Variants in UBAC2 observed in about 807,000 individuals in gnomAD.
The protein encoded by UBAC2 is UBA domain containing 2, also known as ubiquitin-associated domain-containing protein 2.
Under a neutral mutation model 44.0 loss-of-function variants are expected in UBAC2, and 26 were observed. The ratio of observed to expected loss-of-function variants is 0.59; its 90% CI spans 0.43 to 0.82. The LOEUF is 0.82. Ranked by LOEUF, UBAC2 falls within the 40% of genes least tolerant of loss-of-function variation. The pLI is 0.00. For missense variants in UBAC2, 329 were observed against 419.4 expected, an observed-to-expected ratio of 0.78 and a Z score of 1.88; for synonymous variants, 155 against 154.3, an observed-to-expected ratio of 1.00 and a Z score of -0.04.
At chr13:99,233,115 CTT>C (rs762104839) in intron 1 of UBAC2, among the ~76,000 whole-genome samples, 2 of 143,296 alleles carry the variant, frequency 1.4e-5, no homozygotes, top group African/African-American at 2.5e-5. Flanking sequence ...GATTTGGTTT[CTT>C]TTTTTTTTTT....
chr13:99,251,354 C>T (rs1387098994), intron 4 of UBAC2, among the ~76,000 whole-genome samples: 6 of 152,112 alleles, frequency 3.9e-5, no homozygotes, highest in Non-Finnish European at 8.8e-5. Context: ...TATTTGAATA[C>T]CTTTTCTTTC....
intron 2 of UBAC2, among the ~76,000 whole-genome samples, chr13:99,242,672 G>T (rs78272224): frequency 2.0e-3 from 4 of 2,008 alleles, no homozygotes; most frequent in Admixed American, 5.3e-3. Context: ...GCGGCTGGCC[G>T]GGCGGGGGGC....
At chr13:99,305,384 A>G (rs1419968787) in intron 4 of UBAC2, among the ~76,000 whole-genome samples, 1 of 152,310 alleles carries the variant, frequency 6.6e-6, no homozygotes, top group East Asian at 1.9e-4. Flanking sequence ...TACACAGGCC[A>G]CGTCCAGGGC....
chr13:99,262,538 A>G (rs1397177787), intron 4 of UBAC2, among the ~76,000 whole-genome samples: 1 of 151,986 alleles, frequency 6.6e-6, no homozygotes, highest in Non-Finnish European at 1.5e-5. Context: ...CCCTGTCTCT[A>G]CTAAAAATAC....
At chr13:99,247,371 C>T (rs1247561548) in intron 4 of UBAC2, among the ~76,000 whole-genome samples, 3 of 148,148 alleles carry the variant, frequency 2.0e-5, no homozygotes, top group Non-Finnish European at 4.6e-5. Context: ...CCCGCTACCA[C>T]GCCCGGCTAA....
intron 1 of UBAC2, among the ~76,000 whole-genome samples, chr13:99,223,473 T>C (rs2043073471): frequency 1.3e-5 from 2 of 151,862 alleles, no homozygotes; most frequent in Non-Finnish European, 2.9e-5. Flanking sequence ...ATTTCATTGA[T>C]TTCTACTCTT....
intron 1 of UBAC2, among the ~76,000 whole-genome samples, chr13:99,229,638 T>C (rs1235910940): frequency 1.3e-5 from 2 of 152,230 alleles, no homozygotes; most frequent in Non-Finnish European, 2.9e-5. Context: ...TGCAAGGTGA[T>C]GCAGGACCGT....
Position 99,367,508 on chromosome 13 carries a change from A to G in UBAC2, c.808-279A>G, listed in dbSNP as rs112673324. 8.2e-3 allele frequency among the ~76,000 whole-genome samples: 1,244 copies of G among 152,316 alleles called. 11 individuals carry two copies. The highest frequency in any genetic ancestry group is 0.056 in the South Asian group (269 of 4,824). ...GGGCTGAAATTAGGAGTGTCTGTACAGTGTCTTTCACTGCCTTCCAGAGCC... is the reference window on the plus strand; with the variant it reads ...GGGCTGAAATTAGGAGTGTCTGTACGGTGTCTTTCACTGCCTTCCAGAGCC... On this transcript the variant is annotated intron_variant, in intron 7 of 8. Coordinates refer to ENST00000403766, the MANE Select transcript of UBAC2 (RefSeq NM_001144072.2).
In UBAC2 at chr13:99,272,385, A is replaced by G. The variant is rs536332200; in HGVS notation, c.389+27761A>G. On this transcript the variant is annotated intron_variant, in intron 4 of 8. Coordinates refer to ENST00000403766, the MANE Select transcript of UBAC2 (RefSeq NM_001144072.2). ...AACTCATGGCCACCTTGTTTTATCT[A>G]TATCCTTAATCTTAAGCCATTCTCA... Among the ~76,000 whole-genome samples the G allele has an allele frequency of 2.1e-4, 32 of 152,312 alleles. No individual in the cohort carries two copies. The South Asian group carries it at 5.8e-3, about 28-fold the overall frequency.
intron 4 of UBAC2, among the ~76,000 whole-genome samples, chr13:99,276,778 G>A (rs973095342): frequency 6.6e-6 from 1 of 152,222 alleles, no homozygotes; most frequent in Non-Finnish European, 1.5e-5. Context: ...ATTCAGATGT[G>A]GTTGAAAGGG....
At chr13:99,255,785 T>A in intron 4 of UBAC2, 3 of 1,613,152 alleles carry the variant, frequency 1.9e-6, no homozygotes, top group South Asian at 1.1e-5. Flanking sequence ...AAGATACAGC[T>A]ATAGAAGACA....
chr13:99,285,721 C>G (rs1358793643), intron 4 of UBAC2, among the ~76,000 whole-genome samples: 1 of 152,148 alleles, frequency 6.6e-6, no homozygotes, highest in Admixed American at 6.6e-5. Context: ...CCAGGGTTCT[C>G]CTAGTGTACT....
chr13:99,269,673 C>G (rs2043792023), intron 4 of UBAC2, among the ~76,000 whole-genome samples: 3 of 152,038 alleles, frequency 2.0e-5, no homozygotes. Context: ...ATAAAATATT[C>G]AAAATAAATT....
chr13:99,215,246 G>A (rs1025067088), intron 1 of UBAC2: 1 of 648,218 alleles, frequency 1.5e-6, no homozygotes, highest in African/African-American at 1.8e-5. Flanking sequence ...CTTCCAACTT[G>A]CCCAAATAGA....
intron 4 of UBAC2, among the ~76,000 whole-genome samples, chr13:99,284,986 A>G (rs914339466): frequency 6.6e-6 from 1 of 152,230 alleles, no homozygotes; most frequent in African/African-American, 2.4e-5. Flanking sequence ...TCAGTAATTA[A>G]CATTTTTGCT....
intron 8 of UBAC2, among the ~76,000 whole-genome samples, chr13:99,368,882 G>A (rs1319037308): frequency 6.6e-6 from 1 of 152,110 alleles, no homozygotes; most frequent in East Asian, 1.9e-4. Context: ...CCCAGTGTAG[G>A]GAACGTACAG....
chr13:99,214,442 C>T (rs1222310183), intron 1 of UBAC2, among the ~76,000 whole-genome samples: 2 of 151,994 alleles, frequency 1.3e-5, no homozygotes, highest in Non-Finnish European at 2.9e-5. Flanking sequence ...AGGTTCTCTT[C>T]TAGTATGCAA....
At chr13:99,244,297 A>C in intron 3 of UBAC2, among the ~76,000 whole-genome samples, 1 of 151,948 alleles carries the variant, frequency 6.6e-6, no homozygotes, top group East Asian at 1.9e-4. Flanking sequence ...ATGGCTGTTA[A>C]TACATTTGAG....
chr13:99,272,193 G>T (rs118105675), intron 4 of UBAC2, among the ~76,000 whole-genome samples: 76 of 152,302 alleles, frequency 5.0e-4, no homozygotes, highest in Middle Eastern at 3.4e-3. Context: ...CCAGGGGCTT[G>T]TATCTAGGTC....
Sources: gnomAD v4.1 joint callset for allele counts (sites outside exome capture counted in the v4.1 genomes callset) on GRCh38, gnomAD v4.1.1 for gene constraint, MANE v1.5 for transcripts, NCBI Gene and HGNC (gene_info 2026-07-23, HGNC 2026-07-21) for gene names.